The following ARHGEF7 variants were observed in gnomAD, a reference collection of about 807,000 sequenced individuals.
The protein encoded by ARHGEF7 is Rho guanine nucleotide exchange factor 7.
ARHGEF7 carries 33 observed loss-of-function variants against 109.8 expected under a neutral mutation model. The ratio of observed to expected loss-of-function variants is 0.30; its 90% confidence interval spans 0.23 to 0.40. ARHGEF7 has a LOEUF of 0.40. ARHGEF7 is among the 10% of genes least tolerant of loss of function. The pLI, the probability that ARHGEF7 is intolerant of heterozygous loss-of-function variation, is 1.00. For missense variants in ARHGEF7, 938 were observed against 1,098.5 expected (o/e 0.85, Z 2.07); for synonymous variants, 458 against 424.6 (o/e 1.08, Z -0.97).
chr13:111,293,083 T>G, intron 19 of ARHGEF7: 2 of 985,476 alleles, frequency 2.0e-6, no homozygotes, highest in Non-Finnish European at 2.4e-6. Flanking sequence ...TGATTTCTGT[T>G]ATAAGGCACA....
At chr13:111,276,133 G>A (rs2092464653) in intron 12 of ARHGEF7, 1 of 172,736 alleles carries the variant, frequency 5.8e-6, no homozygotes. Context: ...TTTCTTACAG[G>A]TTTGGTTTAA....
At chr13:111,290,297 T>C (rs141466088) in intron 18 of ARHGEF7, among the ~76,000 whole-genome samples, 46 of 152,008 alleles carry the variant, frequency 3.0e-4, no homozygotes, top group African/African-American at 1.1e-3. Context: ...AAAGAAACAA[T>C]AAAAAGTAAC....
At chr13:111,135,326 A>G (rs572498007) in intron 1 of ARHGEF7, among the ~76,000 whole-genome samples, 18 of 152,168 alleles carry the variant, frequency 1.2e-4, no homozygotes, top group African/African-American at 4.1e-4. Flanking sequence ...GTTTTTTCCA[A>G]TTCTGTGAAG....
chr13:111,150,001 G>C (rs2075814075), intron 1 of ARHGEF7, among the ~76,000 whole-genome samples: 1 of 152,176 alleles, frequency 6.6e-6, no homozygotes. Context: ...ATCAAAAGAG[G>C]CTGGTGGAAC....
chr13:111,256,565 C>T (rs905595527), intron 8 of ARHGEF7, among the ~76,000 whole-genome samples: 12 of 152,138 alleles, frequency 7.9e-5, no homozygotes, highest in Non-Finnish European at 1.5e-4. Context: ...GTGTTTGTGC[C>T]GATCTCTGTG....
At chr13:111,154,936 GT>G (rs2153380158) in intron 2 of ARHGEF7, among the ~76,000 whole-genome samples, 1 of 151,974 alleles carries the variant, frequency 6.6e-6, no homozygotes, top group African/African-American at 2.4e-5. Flanking sequence ...TCGGCCCTCC[GT>G]ATCCAAGGTT....
At chr13:111,250,897 C>T (rs2089662908) in intron 8 of ARHGEF7, among the ~76,000 whole-genome samples, 2 of 152,220 alleles carry the variant, frequency 1.3e-5, no homozygotes, top group African/African-American at 4.8e-5. Context: ...TTTCTAGGCC[C>T]TCTGGGTGCA....
chr13:111,303,022 A>G lies in ARHGEF7; in HGVS notation c.2498A>G (p.Glu833Gly). ...DNKKMKKSLEEEQRARKDLEK... is the reference protein window; with the variant it reads ...DNKKMKKSLEGEQRARKDLEK... The stretch of plus-strand genomic sequence containing the variant: ...AAAAAGATGAAGAAATCTCTAGAGG[A>G]AGAACAGAGAGCCCGCAAAGACCTG... The change falls in exon 22 of 22, where the codon GAA (glutamate) becomes GGA (glycine). Residue 833 changes from glutamate to glycine, a missense_variant. Glu to Gly is a moderately conservative substitution (Grantham distance 98, BLOSUM62 -2). Transcript: ENST00000646102. 1 of 1,614,186 alleles carries G rather than the reference A, an allele frequency of 6.2e-7. No individual in the cohort carries two copies.
intron 19 of ARHGEF7, chr13:111,293,126 C>G (rs542603362): frequency 1.0e-6 from 1 of 985,314 alleles, no homozygotes; most frequent in African/African-American, 1.7e-5. Flanking sequence ...AGTAAAATCT[C>G]TACACTAACA....
intron 4 of ARHGEF7, among the ~76,000 whole-genome samples, chr13:111,210,784 C>A (rs2082402029): frequency 6.6e-6 from 1 of 152,172 alleles, no homozygotes; most frequent in Non-Finnish European, 1.5e-5. Context: ...ACAGTACATA[C>A]TTTGTTAGAA....
rs2078712915 is a variant in ARHGEF7 at position 111,181,340 on chromosome 13, A to AACCTACTTTTGTCTTGTTTATGGCAGTT, written c.253-23948_253-23921dup. On this transcript the variant is annotated intron_variant, in intron 2 of 21. Coordinates refer to ENST00000646102, the MANE Select transcript of ARHGEF7 (RefSeq NM_001354046.2). ...TCCCTTTGCTGAGAGAAGACCTGGA[A>AACCTACTTTTGTCTTGTTTATGGCAGTT]ACCTACTTTTGTCTTGTTTATGGCA... Among the ~76,000 whole-genome samples the AACCTACTTTTGTCTTGTTTATGGCAGTT allele has an allele frequency of 2.6e-5, 4 of 152,250 alleles. No homozygotes were observed. In the South Asian group the frequency reaches 8.3e-4, roughly 32 times the overall value.
At chr13:111,195,731 G>C (rs999711715) in intron 2 of ARHGEF7, among the ~76,000 whole-genome samples, 26 of 152,318 alleles carry the variant, frequency 1.7e-4, no homozygotes, top group African/African-American at 4.6e-4. Context: ...GGATGAGGGG[G>C]TGGCTTCTCG....
At chr13:111,293,446 A>C (rs924375318) in intron 19 of ARHGEF7, 2 of 985,188 alleles carry the variant, frequency 2.0e-6, no homozygotes, top group Non-Finnish European at 2.4e-6. Context: ...TAAAAAAAAA[A>C]AAAAAAAACT....
Position 111,303,726 on chromosome 13 carries a change from C to T in ARHGEF7, c.*613C>T, listed in dbSNP as rs2093613041. 1 of 152,252 alleles carries T rather than the reference C, an allele frequency of 6.6e-6. No individual in the cohort carries two copies. Among genetic ancestry groups the T allele is most frequent in the African/African-American group, 2.4e-5 (1 of 41,456 alleles). The allele number at this position is 152,252 out of a possible 1,614,324, so 9.4% of individuals were successfully genotyped here. ...GAAGTCTTCTCTTAAAGCAGCATTACAGTCCCAGACCTGCGGGTTTCTGAG... is the reference window on the plus strand; with the variant it reads ...GAAGTCTTCTCTTAAAGCAGCATTATAGTCCCAGACCTGCGGGTTTCTGAG... On this transcript the variant is annotated 3_prime_UTR_variant, in exon 22 of 22. Transcript: ENST00000646102.
intron 4 of ARHGEF7, among the ~76,000 whole-genome samples, chr13:111,216,918 A>G (rs1566852733): frequency 6.6e-6 from 1 of 152,244 alleles, no homozygotes; most frequent in Non-Finnish European, 1.5e-5. Context: ...CCTTTCAGAA[A>G]TCTGAAAATA....
chr13:111,282,593 C>T (rs1254376032), intron 15 of ARHGEF7, among the ~76,000 whole-genome samples: 1 of 152,240 alleles, frequency 6.6e-6, no homozygotes, highest in Non-Finnish European at 1.5e-5. Context: ...TGCAGCTGTA[C>T]TCTGCCCTTG....
chr13:111,273,693 T>C lies in ARHGEF7; in HGVS notation c.1074-121T>C. 7.2e-7 allele frequency: 1 copy of C among 1,387,984 alleles called. No homozygotes were observed. The highest frequency in any genetic ancestry group is 1.0e-6 in the Non-Finnish European group (1 of 1,001,946). The allele number at this position is 1,387,984 out of a possible 1,614,324, so 86.0% of individuals were successfully genotyped here. A position where few individuals can be genotyped will look rare whatever the true frequency, so the allele number is the denominator to read the frequency against. On this transcript the variant is annotated intron_variant, in intron 9 of 21. Coordinates refer to ENST00000646102, the MANE Select transcript of ARHGEF7 (RefSeq NM_001354046.2). This position sits in a 1 kb window ranked among gnomAD's most constrained non-coding sequence, Gnocchi z 4.5. ...AGATTTGGGATAAAAGCTGGAGCCT[T>C]CCAGATGTTAAAAGCAACACTTATG...
intron 13 of ARHGEF7, among the ~76,000 whole-genome samples, chr13:111,278,764 C>A (rs961184557): frequency 1.3e-5 from 2 of 152,192 alleles, no homozygotes; most frequent in African/African-American, 4.8e-5. Flanking sequence ...CACTATCTGG[C>A]TTCCGATTTT....
At chr13:111,178,832 G>A (rs2078430373) in intron 2 of ARHGEF7, among the ~76,000 whole-genome samples, 1 of 152,236 alleles carries the variant, frequency 6.6e-6, no homozygotes, top group South Asian at 2.1e-4. Context: ...TGTCGGGCCG[G>A]TCAGAAGGAT....
Sources: gnomAD v4.1 joint callset for allele counts (sites outside exome capture counted in the v4.1 genomes callset) on GRCh38, gnomAD v4.1.1 for gene constraint, Gnocchi (gnomAD v3.1) non-coding constraint, MANE v1.5 for transcripts, NCBI Gene and HGNC (gene_info 2026-07-23, HGNC 2026-07-21) for gene names.